The following HS3ST5 variants were observed in gnomAD, a reference collection of about 807,000 sequenced individuals.
HS3ST5 encodes heparan sulfate glucosamine 3-O-sulfotransferase 5.
In HS3ST5, 10 loss-of-function variants were observed where a neutral mutation model predicts 25.4. The ratio of observed to expected loss-of-function variants is 0.39; its 90% CI spans 0.24 to 0.67. The LOEUF is 0.67. Ranked by LOEUF, HS3ST5 falls within the 30% of genes least tolerant of loss-of-function variation. The pLI is 0.44. For synonymous variants in HS3ST5, 170 were observed against 162.4 expected, an observed-to-expected ratio of 1.05 and a Z score of -0.36; for missense variants, 324 against 420.7, an observed-to-expected ratio of 0.77 and a Z score of 2.01.
At chr6:114,157,738 A>G (rs1778766707) in intron 3 of HS3ST5, among the ~76,000 whole-genome samples, 1 of 152,208 alleles carries the variant, frequency 6.6e-6, no homozygotes, top group Non-Finnish European at 1.5e-5. Context: ...TTAAAAAGTA[A>G]TGAAACCATC....
chr6:114,182,550 T>G (rs1780023330), intron 2 of HS3ST5, among the ~76,000 whole-genome samples: 1 of 152,166 alleles, frequency 6.6e-6, no homozygotes, highest in Admixed American at 6.5e-5. Flanking sequence ...TATAGGAAGA[T>G]TAGAGCACTG....
chr6:114,254,781 C>T (rs189503059), intron 1 of HS3ST5, among the ~76,000 whole-genome samples: 1 of 152,078 alleles, frequency 6.6e-6, no homozygotes. Flanking sequence ...GAGACTTACT[C>T]ACTACCACGA....
intron 3 of HS3ST5, among the ~76,000 whole-genome samples, chr6:114,150,556 C>T (rs1209957546): frequency 1.3e-5 from 2 of 152,152 alleles, no homozygotes; most frequent in African/African-American, 2.4e-5. Context: ...ATATGAAGGA[C>T]TGGAGGTGAA....
At chr6:114,085,934 G>GCCCA (rs1774781900) in intron 3 of HS3ST5, among the ~76,000 whole-genome samples, 4 of 98,842 alleles carry the variant, frequency 4.0e-5, no homozygotes, top group African/African-American at 1.6e-4. Flanking sequence ...TAAATTCATT[G>GCCCA]CCCCCCCCCC....
chr6:114,234,254 A>G (rs1014467533), intron 1 of HS3ST5, among the ~76,000 whole-genome samples: 51 of 151,814 alleles, frequency 3.4e-4, no homozygotes, highest in African/African-American at 1.2e-3. Context: ...ATTCAGTTAT[A>G]AATACTTTCT....
chr6:114,261,924 AACTT>A (rs1773191745), intron 1 of HS3ST5, among the ~76,000 whole-genome samples: 1 of 152,166 alleles, frequency 6.6e-6, no homozygotes, highest in South Asian at 2.1e-4. Context: ...GTCCTCGTGG[AACTT>A]ACTGTCTACT....
chr6:114,152,971 T>C (rs1484957794), intron 3 of HS3ST5, among the ~76,000 whole-genome samples: 1 of 152,232 alleles, frequency 6.6e-6, no homozygotes, highest in Non-Finnish European at 1.5e-5. Flanking sequence ...TGCTTTGGGC[T>C]AGTCCTAGTC....
chr6:114,246,137 T>C (rs1341729614), intron 1 of HS3ST5, among the ~76,000 whole-genome samples: 3 of 152,204 alleles, frequency 2.0e-5, no homozygotes, highest in Admixed American at 6.5e-5. Context: ...AATGCTTGTA[T>C]ATGAGCTATA....
rs184338148 is a variant in HS3ST5 at position 114,244,479 on chromosome 6, A to T, written c.-338-15701T>A. On this transcript the variant is annotated intron_variant, in intron 1 of 4. Transcript: ENST00000312719. ...ATAATGTATTTCATAGGTTCTTCTC[A>T]GGATTAAATAATACGGTGGATGTTA... is the stretch of plus-strand genomic sequence containing the variant. 6.6e-5 allele frequency among the ~76,000 whole-genome samples: 10 copies of T among 152,336 alleles called. No individual in the cohort carries two copies. In the East Asian group the frequency reaches 1.9e-3, roughly 29 times the overall value.
chr6:114,205,094 G>A (rs945737349), intron 2 of HS3ST5, among the ~76,000 whole-genome samples: 2 of 152,006 alleles, frequency 1.3e-5, no homozygotes, highest in Non-Finnish European at 2.9e-5. Flanking sequence ...CACAAACTAG[G>A]TTTCCAACAA....
intron 1 of HS3ST5, among the ~76,000 whole-genome samples, chr6:114,303,530 A>G (rs189602080): frequency 3.0e-4 from 45 of 152,110 alleles, no homozygotes; most frequent in African/African-American, 7.0e-4. Context: ...TTTTACTTCA[A>G]TATGTTAAGA....
At chr6:114,237,635 A>T (rs563135150) in intron 1 of HS3ST5, among the ~76,000 whole-genome samples, 13 of 152,312 alleles carry the variant, frequency 8.5e-5, no homozygotes, top group African/African-American at 2.9e-4. Context: ...ACCTGAGCTG[A>T]GAGTCACTGA....
At chr6:114,083,640 G>A (rs1381219823) in intron 3 of HS3ST5, among the ~76,000 whole-genome samples, 1 of 152,148 alleles carries the variant, frequency 6.6e-6, no homozygotes. Flanking sequence ...TTACTTTGGT[G>A]TTCTATAGCT....
intron 3 of HS3ST5, among the ~76,000 whole-genome samples, chr6:114,128,961 T>G (rs959998454): frequency 7.9e-5 from 12 of 152,234 alleles, no homozygotes; most frequent in African/African-American, 2.9e-4. Context: ...TTCATCTTTC[T>G]GTAATGCACA....
intron 1 of HS3ST5, among the ~76,000 whole-genome samples, chr6:114,259,398 A>G (rs117738229): frequency 0.02 from 3,093 of 152,314 alleles, 37 homozygotes; most frequent in Non-Finnish European, 0.03. Context: ...TTTTTTATAA[A>G]TATACATCAT....
chr6:114,202,947 G>A (rs915796474), intron 2 of HS3ST5, among the ~76,000 whole-genome samples: 10 of 152,112 alleles, frequency 6.6e-5, no homozygotes, highest in Non-Finnish European at 1.0e-4. Flanking sequence ...GCTTTCAGGC[G>A]ATAACTTCAA....
At chr6:114,060,247 C>T (rs538447811) in intron 4 of HS3ST5, among the ~76,000 whole-genome samples, 3 of 151,894 alleles carry the variant, frequency 2.0e-5, no homozygotes, top group African/African-American at 7.3e-5. Context: ...CTCCTGATCT[C>T]GTGATTCGCC....
intron 3 of HS3ST5, among the ~76,000 whole-genome samples, chr6:114,134,973 G>C (rs558457953): frequency 6.6e-6 from 1 of 152,334 alleles, no homozygotes; most frequent in East Asian, 1.9e-4. Flanking sequence ...AGGGTAAGGA[G>C]GCTCAGAAAC....
At chr6:114,275,793 T>C (rs1773826152) in intron 1 of HS3ST5, among the ~76,000 whole-genome samples, 1 of 152,050 alleles carries the variant, frequency 6.6e-6, no homozygotes, top group Non-Finnish European at 1.5e-5. Context: ...ATATTATTCT[T>C]TTTAATTTTT....
Sources: allele counts gnomAD v4.1 joint callset (sites outside exome capture counted in the v4.1 genomes callset), GRCh38; gene constraint gnomAD v4.1.1; transcripts MANE v1.5; gene names NCBI Gene and HGNC (gene_info 2026-07-23, HGNC 2026-07-21).